Variants in CPEB4 observed in about 807,000 individuals in gnomAD.
CPEB4 encodes cytoplasmic polyadenylation element-binding protein 4.
CPEB4 carries 12 observed loss-of-function variants against 72.5 expected under a neutral mutation model. That is an observed-to-expected ratio of 0.17 (90% confidence interval 0.11 to 0.27). The LOEUF is 0.27. Among genes scored for constraint, CPEB4 ranks in the 10% least tolerant of loss-of-function variants. The pLI is 1.00. For missense variants in CPEB4, 614 were observed against 908.5 expected, an observed-to-expected ratio of 0.68 and a Z score of 4.17; for synonymous variants, 302 against 326.3, an observed-to-expected ratio of 0.93 and a Z score of 0.80.
Position 173,952,537 on chromosome 5 carries a change from C to T in CPEB4, c.1781-554C>T, listed in dbSNP as rs533808761. On this transcript the variant is annotated intron_variant, in intron 8 of 9. Coordinates refer to ENST00000265085, the MANE Select transcript of CPEB4 (RefSeq NM_030627.4). ...TAACATGAACAGGAATGTAGCTGCA[C>T]GATTTTAACACTTCATAAAGAAGAA... Among the ~76,000 whole-genome samples, 14 of 152,136 alleles carry T rather than the reference C, an allele frequency of 9.2e-5. No individual in the cohort carries two copies. The South Asian group carries it at 2.3e-3, about 25-fold the overall frequency.
At chr5:173,895,696 T>C (rs1327609233) in intron 1 of CPEB4, among the ~76,000 whole-genome samples, 1 of 152,178 alleles carries the variant, frequency 6.6e-6, no homozygotes, top group Non-Finnish European at 1.5e-5. Flanking sequence ...CAACTGTAAA[T>C]TGTGGGTCGG....
Position 173,888,484 on chromosome 5 carries a change from AAC to A in CPEB4, c.-1249_-1248del, listed in dbSNP as rs1581098996. On this transcript the variant is annotated 5_prime_UTR_variant, in exon 1 of 10. Transcript: ENST00000265085. This position sits in a 1 kb window ranked among gnomAD's most constrained non-coding sequence, Gnocchi z 4.3. ...GGAGGAAGAAGGAAAGAAAAAGAAG[AAC>A]CAGGAGGAGTCCTCAACAACGACAG... is the stretch of plus-strand genomic sequence containing the variant. 6 of 430,124 alleles carry A rather than the reference AAC, an allele frequency of 1.4e-5. No homozygotes were observed. The East Asian group carries it at 2.1e-4, about 15-fold the overall frequency. The allele number at this position is 430,124 out of a possible 1,614,324, so 26.6% of individuals were successfully genotyped here.
chr5:173,903,659 A>G (rs577586421), intron 1 of CPEB4, among the ~76,000 whole-genome samples: 2 of 152,316 alleles, frequency 1.3e-5, no homozygotes, highest in East Asian at 3.9e-4. Context: ...AATGGCCACA[A>G]ATGATTATTT....
intron 2 of CPEB4, among the ~76,000 whole-genome samples, chr5:173,929,126 G>A (rs1757349471): frequency 6.6e-6 from 1 of 152,188 alleles, no homozygotes; most frequent in Admixed American, 6.5e-5. Context: ...GTCGCATTGT[G>A]TCTTAGCTGG....
chr5:173,912,510 C>T (rs1003597856), intron 2 of CPEB4, among the ~76,000 whole-genome samples: 5 of 151,858 alleles, frequency 3.3e-5, no homozygotes, highest in Admixed American at 6.6e-5. Flanking sequence ...GAGGGAGAAT[C>T]ACTTGAGCCC....
chr5:173,904,276 G>T (rs1285124800), intron 1 of CPEB4, among the ~76,000 whole-genome samples: 1 of 152,146 alleles, frequency 6.6e-6, no homozygotes, highest in Non-Finnish European at 1.5e-5. Flanking sequence ...TCAGGGTTTT[G>T]TGAAGAATAA....
At position 173,952,551 on chromosome 5, in the gene CPEB4, C is replaced by T. The variant is rs118047582; in HGVS notation, c.1781-540C>T. Among the ~76,000 whole-genome samples the T allele has an allele frequency of 1.1e-4, 16 of 152,014 alleles. No individual in the cohort carries two copies. In the East Asian group the frequency reaches 2.9e-3, roughly 28 times the overall value. ...ATGTAGCTGCACGATTTTAACACTTCATAAAGAAGAAAATGCAGTCATTAT... is the reference window on the plus strand; with the variant it reads ...ATGTAGCTGCACGATTTTAACACTTTATAAAGAAGAAAATGCAGTCATTAT... On this transcript the variant is annotated intron_variant, in intron 8 of 9. Coordinates refer to ENST00000265085, the MANE Select transcript of CPEB4 (RefSeq NM_030627.4).
chr5:173,927,268 T>C (rs1757275256), intron 2 of CPEB4, among the ~76,000 whole-genome samples: 1 of 152,210 alleles, frequency 6.6e-6, no homozygotes, highest in African/African-American at 2.4e-5. Flanking sequence ...ACTTTACTTA[T>C]GAAATACTGG....
intron 2 of CPEB4, among the ~76,000 whole-genome samples, chr5:173,919,598 A>G (rs1757003535): frequency 6.6e-6 from 1 of 152,196 alleles, no homozygotes; most frequent in African/African-American, 2.4e-5. Flanking sequence ...ATATCTGCTT[A>G]ATAAAAAAGC....
chr5:173,907,082 C>G (rs1490139668), intron 1 of CPEB4, among the ~76,000 whole-genome samples: 1 of 152,174 alleles, frequency 6.6e-6, no homozygotes, highest in Non-Finnish European at 1.5e-5. Context: ...TCCTGGCCAA[C>G]ATAGTGAAAC....
Position 173,888,397 on chromosome 5 carries a change from G to C in CPEB4, c.-1337G>C. 1 of 454,676 alleles carries C rather than the reference G, an allele frequency of 2.2e-6. No individual in the cohort carries two copies. Among genetic ancestry groups the C allele is most frequent in the Non-Finnish European group, 3.8e-6 (1 of 263,672 alleles). 28.2% of individuals were successfully genotyped at this position (454,676 alleles called of 1,614,324 possible). A position where few individuals can be genotyped will look rare whatever the true frequency, so the allele number is the denominator to read the frequency against. The stretch of plus-strand genomic sequence containing the variant: ...GGACTCAGCCGCGGCTGCGGGACCC[G>C]GGCACCGGGAGGCGGTGGCGGCGGC... On this transcript the variant is annotated 5_prime_UTR_variant, in exon 1 of 10. Coordinates refer to ENST00000265085, the MANE Select transcript of CPEB4 (RefSeq NM_030627.4). This position sits in a 1 kb window ranked among gnomAD's most constrained non-coding sequence, Gnocchi z 4.3.
At chr5:173,891,866 A>G (rs1242565487) in intron 1 of CPEB4, among the ~76,000 whole-genome samples, 1 of 152,154 alleles carries the variant, frequency 6.6e-6, no homozygotes, top group Non-Finnish European at 1.5e-5. Context: ...ACCTCACAAG[A>G]TGAGTTCTGT....
At chr5:173,917,097 C>G (rs1426995087) in intron 2 of CPEB4, among the ~76,000 whole-genome samples, 1 of 152,114 alleles carries the variant, frequency 6.6e-6, no homozygotes, top group Non-Finnish European at 1.5e-5. Flanking sequence ...GCTGAAATAG[C>G]TCTGGAAACC....
chr5:173,936,182 G>C (rs1757616529), intron 3 of CPEB4, among the ~76,000 whole-genome samples: 1 of 152,144 alleles, frequency 6.6e-6, no homozygotes, highest in Non-Finnish European at 1.5e-5. Context: ...GCTATAATAA[G>C]TACCACTGAC....
At chr5:173,952,985 A>G in intron 8 of CPEB4, 106 bp from the exon 9 acceptor site, 1 of 801,190 alleles carries the variant, frequency 1.2e-6, no homozygotes, top group Non-Finnish European at 2.0e-6. Context: ...TAATTATTAT[A>G]ATGATGTGAG....
chr5:173,916,844 A>G (rs1265052146), intron 2 of CPEB4, among the ~76,000 whole-genome samples: 1 of 152,190 alleles, frequency 6.6e-6, no homozygotes, highest in Non-Finnish European at 1.5e-5. Flanking sequence ...TTTTTATATC[A>G]TTGTAAGAGA....
chr5:173,940,204 A>G (rs1460456648), intron 3 of CPEB4, among the ~76,000 whole-genome samples: 1 of 152,228 alleles, frequency 6.6e-6, no homozygotes, highest in African/African-American at 2.4e-5. Flanking sequence ...ATTTTTATTC[A>G]GTGGCAAGAG....
chr5:173,939,906 G>C (rs1459062150), intron 3 of CPEB4, among the ~76,000 whole-genome samples: 1 of 148,368 alleles, frequency 6.7e-6, no homozygotes, highest in Middle Eastern at 3.6e-3. Context: ...GAGCTCGGGG[G>C]TTTGAGACCA....
Position 173,953,283 on chromosome 5 carries a change from T to C in CPEB4, c.1962+11T>C, listed in dbSNP as rs1241590234. ...GAGATAGATAAACGGGTAAGCCTTA[T>C]ACTACATTTTGGAAAATTCTAGAAA... On this transcript the variant is annotated intron_variant, in intron 9 of 9. Transcript: ENST00000265085. The C allele has an allele frequency of 5.4e-6, 8 of 1,489,590 alleles. No homozygotes were observed. The highest frequency in any genetic ancestry group is 7.2e-6 in the Non-Finnish European group (8 of 1,111,274). 92.3% of individuals were successfully genotyped at this position (1,489,590 alleles called of 1,614,324 possible).
Sources: allele counts gnomAD v4.1 joint callset (sites outside exome capture counted in the v4.1 genomes callset), GRCh38; gene constraint gnomAD v4.1.1; non-coding constraint Gnocchi (gnomAD v3.1); transcripts MANE v1.5; gene names NCBI Gene and HGNC (gene_info 2026-07-23, HGNC 2026-07-21).